HS6ST3: variants seen among roughly 807,000 people sequenced by gnomAD.
HS6ST3 encodes heparan-sulfate 6-O-sulfotransferase 3.
HS6ST3 carries 12 observed loss-of-function variants against 36.7 expected under a neutral mutation model. That is an observed-to-expected ratio of 0.33 (90% CI 0.21 to 0.53). HS6ST3 has a LOEUF of 0.53. HS6ST3 is among the 20% of genes least tolerant of loss of function. The probability of loss-of-function intolerance (pLI) is 0.95; values close to 1 mark genes in which losing one functional copy is unlikely to be tolerated. For synonymous variants in HS6ST3, 240 were observed against 257.5 expected (o/e 0.93, Z 0.65); for missense variants, 584 against 640.9 (o/e 0.91, Z 0.96).
At chr13:96,333,117 A>G (rs559122447) in intron 1 of HS6ST3, among the ~76,000 whole-genome samples, 1 of 152,356 alleles carries the variant, frequency 6.6e-6, no homozygotes, top group Admixed American at 6.5e-5. Flanking sequence ...TTGTTATAGC[A>G]GTGCGAATGG....
chr13:96,239,153 C>T (rs1214064900), intron 1 of HS6ST3, among the ~76,000 whole-genome samples: 2 of 152,164 alleles, frequency 1.3e-5, no homozygotes, highest in Non-Finnish European at 2.9e-5. Context: ...TGCAATGACT[C>T]AGAATGGAAT....
intron 1 of HS6ST3, among the ~76,000 whole-genome samples, chr13:96,738,818 C>T (rs1876355824): frequency 6.6e-6 from 1 of 152,142 alleles, no homozygotes; most frequent in African/African-American, 2.4e-5. Flanking sequence ...AGAAAAATCT[C>T]TTGATCATAT....
chr13:96,672,434 T>C (rs999973046), intron 1 of HS6ST3, among the ~76,000 whole-genome samples: 13 of 152,288 alleles, frequency 8.5e-5, no homozygotes, highest in African/African-American at 3.1e-4. Context: ...GAAGGTCATC[T>C]CAAGAGCCTG....
At chr13:96,735,505 A>T (rs1303018640) in intron 1 of HS6ST3, among the ~76,000 whole-genome samples, 1 of 152,218 alleles carries the variant, frequency 6.6e-6, no homozygotes, top group Non-Finnish European at 1.5e-5. Flanking sequence ...AAAACTTGTT[A>T]AAAACATAGG....
At chr13:96,619,644 G>A (rs980336926) in intron 1 of HS6ST3, among the ~76,000 whole-genome samples, 2 of 152,164 alleles carry the variant, frequency 1.3e-5, no homozygotes, top group Non-Finnish European at 2.9e-5. Context: ...GATTTTAGAT[G>A]TAATGTACCA....
intron 1 of HS6ST3, among the ~76,000 whole-genome samples, chr13:96,226,524 A>AAAT (rs560161304): frequency 1.2e-4 from 18 of 152,110 alleles, no homozygotes; most frequent in East Asian, 7.7e-4. Context: ...CCATCTCAAA[A>AAAT]AATAATAATA....
intron 1 of HS6ST3, among the ~76,000 whole-genome samples, chr13:96,561,029 GA>G (rs956802018): frequency 6.6e-6 from 1 of 151,586 alleles, no homozygotes; most frequent in Admixed American, 6.6e-5. Context: ...CACAGAACTG[GA>G]AAAAAAACTA....
intron 1 of HS6ST3, among the ~76,000 whole-genome samples, chr13:96,136,548 C>T (rs2054002557): frequency 6.6e-6 from 1 of 151,928 alleles, no homozygotes; most frequent in Non-Finnish European, 1.5e-5. Flanking sequence ...TTTATGAGAA[C>T]TCCACCGCCG....
chr13:96,657,420 C>A (rs1166997868), intron 1 of HS6ST3, among the ~76,000 whole-genome samples: 3 of 152,088 alleles, frequency 2.0e-5, no homozygotes, highest in Admixed American at 2.0e-4. Context: ...ACTTGGGAGG[C>A]TGAAGTGGGA....
At chr13:96,619,928 G>A (rs1318788967) in intron 1 of HS6ST3, among the ~76,000 whole-genome samples, 1 of 152,202 alleles carries the variant, frequency 6.6e-6, no homozygotes, top group East Asian at 1.9e-4. Context: ...GCTTGGAACA[G>A]TTTAAGATTT....
At chr13:96,167,513 C>G (rs1401130055) in intron 1 of HS6ST3, among the ~76,000 whole-genome samples, 1 of 152,150 alleles carries the variant, frequency 6.6e-6, no homozygotes, top group Non-Finnish European at 1.5e-5. Flanking sequence ...CTCATCTGCT[C>G]TAAGTCAAAC....
intron 1 of HS6ST3, among the ~76,000 whole-genome samples, chr13:96,299,087 T>C (rs1286457642): frequency 6.6e-6 from 1 of 152,210 alleles, no homozygotes; most frequent in African/African-American, 2.4e-5. Flanking sequence ...CTTTGGGCTA[T>C]TTCTCATGGT....
At chr13:96,260,255 C>A (rs2054657691) in intron 1 of HS6ST3, among the ~76,000 whole-genome samples, 1 of 149,522 alleles carries the variant, frequency 6.7e-6, no homozygotes. Flanking sequence ...TCCTTCCTTC[C>A]TTCCTTCCTT....
chr13:96,170,187 G>A (rs1343120093), intron 1 of HS6ST3, among the ~76,000 whole-genome samples: 1 of 152,146 alleles, frequency 6.6e-6, no homozygotes, highest in Non-Finnish European at 1.5e-5. Context: ...AGGGGAAGAG[G>A]GATAAATGAC....
chr13:96,132,421 T>G (rs2053980707), intron 1 of HS6ST3, among the ~76,000 whole-genome samples: 1 of 152,072 alleles, frequency 6.6e-6, no homozygotes, highest in Admixed American at 6.5e-5. Flanking sequence ...TTTTTTTTTT[T>G]TAAGACAGGG....
At chr13:96,494,175 A>G (rs1457243448) in intron 1 of HS6ST3, among the ~76,000 whole-genome samples, 1 of 152,048 alleles carries the variant, frequency 6.6e-6, no homozygotes, top group Non-Finnish European at 1.5e-5. Flanking sequence ...TGGATTAATA[A>G]AATGTGGCAC....
At chr13:96,467,036 C>T (rs1368456145) in intron 1 of HS6ST3, among the ~76,000 whole-genome samples, 1 of 152,170 alleles carries the variant, frequency 6.6e-6, no homozygotes, top group Non-Finnish European at 1.5e-5. Flanking sequence ...TTGTTTCAAT[C>T]ATTTCATCTT....
intron 1 of HS6ST3, among the ~76,000 whole-genome samples, chr13:96,451,012 C>CATGTAATA (rs1322515644): frequency 6.6e-6 from 1 of 152,034 alleles, no homozygotes; most frequent in Non-Finnish European, 1.5e-5. Context: ...GATTTAGTCT[C>CATGTAATA]TCATGAAAGC....
At chr13:96,351,181 A>G (rs2055180940) in intron 1 of HS6ST3, among the ~76,000 whole-genome samples, 1 of 152,160 alleles carries the variant, frequency 6.6e-6, no homozygotes, top group Non-Finnish European at 1.5e-5. Context: ...GACAACTGCC[A>G]TCTCTTACAT....
Sources: allele counts gnomAD v4.1 joint callset (sites outside exome capture counted in the v4.1 genomes callset), GRCh38; gene constraint gnomAD v4.1.1; transcripts MANE v1.5; gene names NCBI Gene and HGNC (gene_info 2026-07-23, HGNC 2026-07-21).